Variants in STUM observed in about 807,000 individuals in gnomAD.
STUM encodes the protein stum, mechanosensory transduction mediator homolog.
Under a neutral mutation model 15.3 loss-of-function variants are expected in STUM, and 8 were observed. That is an observed-to-expected ratio of 0.52 (90% CI 0.31 to 0.94). The LOEUF is 0.94. Ranked by LOEUF, STUM falls within the 40% of genes least tolerant of loss-of-function variation. STUM has a pLI of 0.05. For missense variants in STUM, 142 were observed against 204.9 expected (o/e 0.69, Z 1.87); for synonymous variants, 78 against 88.7 (o/e 0.88, Z 0.68).
chr1:226,593,094 G>A (rs1029074370), intron 1 of STUM, among the ~76,000 whole-genome samples: 2 of 150,222 alleles, frequency 1.3e-5, no homozygotes, highest in Admixed American at 6.7e-5. Flanking sequence ...GCTGAAGCAG[G>A]AGAATCACTT....
chr1:226,581,546 C>T (rs574457479), intron 1 of STUM, among the ~76,000 whole-genome samples: 8 of 152,254 alleles, frequency 5.3e-5, no homozygotes, highest in African/African-American at 1.7e-4. Flanking sequence ...ATGAGCTTAG[C>T]TCTCTCTTCC....
chr1:226,575,475 G>A (rs1244625259), intron 1 of STUM, among the ~76,000 whole-genome samples: 2 of 152,244 alleles, frequency 1.3e-5, no homozygotes, highest in African/African-American at 4.8e-5. Context: ...CAGGAGGCAG[G>A]TGATGGTGGC....
At chr1:226,571,336 G>A (rs779260255) in intron 1 of STUM, among the ~76,000 whole-genome samples, 2 of 152,276 alleles carry the variant, frequency 1.3e-5, no homozygotes, top group Non-Finnish European at 1.5e-5. Context: ...ATCCAGTGGA[G>A]GGTCTAGGAA....
intron 1 of STUM, among the ~76,000 whole-genome samples, chr1:226,587,562 A>G (rs1040618196): frequency 6.6e-6 from 1 of 151,974 alleles, no homozygotes; most frequent in Non-Finnish European, 1.5e-5. Flanking sequence ...CACAATCCCA[A>G]CGCATTTGCC....
chr1:226,583,500 G>C (rs1162213593), intron 1 of STUM, among the ~76,000 whole-genome samples: 1 of 152,128 alleles, frequency 6.6e-6, no homozygotes, highest in African/African-American at 2.4e-5. Flanking sequence ...CTTTTTGCTA[G>C]ACAAGCAAGC....
chr1:226,555,887 C>A (rs1046834350), intron 1 of STUM, among the ~76,000 whole-genome samples: 19 of 152,104 alleles, frequency 1.2e-4, no homozygotes, highest in Admixed American at 1.2e-3. Context: ...TAGTACATAC[C>A]TATATCATAA....
Position 226,549,013 on chromosome 1 carries a change from GAGA to G in STUM, c.115_117del (p.Lys39del). 1 of 1,577,712 alleles carries G rather than the reference GAGA, an allele frequency of 6.3e-7. No homozygotes were observed. The highest frequency in any genetic ancestry group is 8.6e-7 in the Non-Finnish European group (1 of 1,165,456). ...CAGCGGGGTGGTGGTGCAGGTCCGC[GAGA>G]AGAAGGGCCCCCTGCGCGCCGCCAT... is the stretch of plus-strand genomic sequence containing the variant. On this transcript the variant is annotated inframe_deletion, in exon 1 of 4. Transcript: ENST00000366788. This position sits in a 1 kb window ranked among gnomAD's most constrained non-coding sequence, Gnocchi z 6.8.
intron 1 of STUM, among the ~76,000 whole-genome samples, chr1:226,554,046 CT>C: frequency 6.6e-6 from 1 of 152,354 alleles, no homozygotes; most frequent in Middle Eastern, 3.4e-3. Flanking sequence ...ACTTCCTCCC[CT>C]GTCCACTGAT....
At chr1:226,589,225 C>T (rs190038486) in intron 1 of STUM, among the ~76,000 whole-genome samples, 3 of 152,328 alleles carry the variant, frequency 2.0e-5, no homozygotes, top group Admixed American at 6.5e-5. Flanking sequence ...CCGGTGAGAA[C>T]TCCAAGGACA....
At chr1:226,585,349 A>G (rs964655150) in intron 1 of STUM, among the ~76,000 whole-genome samples, 7 of 152,074 alleles carry the variant, frequency 4.6e-5, no homozygotes, top group South Asian at 2.1e-4. Flanking sequence ...TTCCTACTCG[A>G]TGTGGGGCCC....
chr1:226,572,275 C>T (rs938298745), intron 1 of STUM, among the ~76,000 whole-genome samples: 2 of 152,234 alleles, frequency 1.3e-5, no homozygotes, highest in African/African-American at 4.8e-5. Context: ...GAGCCATTGA[C>T]TCTGAGATTC....
At chr1:226,586,256 C>T (rs1248153789) in intron 1 of STUM, among the ~76,000 whole-genome samples, 1 of 152,164 alleles carries the variant, frequency 6.6e-6, no homozygotes, top group Non-Finnish European at 1.5e-5. Flanking sequence ...CTTCCCAGCA[C>T]TCCCAGGGGT....
At chr1:226,595,005 G>A (rs1392685688) in intron 1 of STUM, among the ~76,000 whole-genome samples, 3 of 152,194 alleles carry the variant, frequency 2.0e-5, no homozygotes, top group Admixed American at 6.5e-5. Context: ...CACAGAGGTG[G>A]AGAAGTCCCA....
At chr1:226,570,086 C>T (rs1667683512) in intron 1 of STUM, among the ~76,000 whole-genome samples, 1 of 152,184 alleles carries the variant, frequency 6.6e-6, no homozygotes, top group South Asian at 2.1e-4. Context: ...CCCTCCTTCA[C>T]AAGCCCCCTG....
chr1:226,586,273 C>T (rs922732228), intron 1 of STUM, among the ~76,000 whole-genome samples: 4 of 152,186 alleles, frequency 2.6e-5, no homozygotes, highest in East Asian at 1.9e-4. Flanking sequence ...GGGTCACCCA[C>T]GCCTGGCTAT....
At position 226,603,324 on chromosome 1, in the gene STUM, G is replaced by A. The variant is rs982366567; in HGVS notation, c.*1284G>A. 1 of 152,236 alleles carries A rather than the reference G, an allele frequency of 6.6e-6. No homozygotes were observed. The highest frequency in any genetic ancestry group is 2.4e-5 in the African/African-American group (1 of 41,446). The allele number at this position is 152,236 out of a possible 1,614,324, so 9.4% of individuals were successfully genotyped here. ...GGCTAGATCCCTAATGGGGGCTAGG[G>A]GTGGGGAGAATCTAGCAGAAGTTGT... On this transcript the variant is annotated 3_prime_UTR_variant, in exon 4 of 4. Transcript: ENST00000366788.
At chr1:226,593,707 G>T (rs564927015) in intron 1 of STUM, among the ~76,000 whole-genome samples, 1 of 152,282 alleles carries the variant, frequency 6.6e-6, no homozygotes, top group African/African-American at 2.4e-5. Context: ...TGCCTCTCTG[G>T]ATCTCCCACA....
intron 1 of STUM, among the ~76,000 whole-genome samples, chr1:226,590,092 C>G (rs909826715): frequency 6.6e-6 from 1 of 152,086 alleles, no homozygotes; most frequent in Non-Finnish European, 1.5e-5. Flanking sequence ...TCCCTTCCCC[C>G]CACCATCCCC....
At chr1:226,596,628 G>A in intron 1 of STUM, among the ~76,000 whole-genome samples, 174 bp from the exon 2 acceptor site, 1 of 152,230 alleles carries the variant, frequency 6.6e-6, no homozygotes, top group East Asian at 1.9e-4. Context: ...ATGGAGATGA[G>A]AGGTGGGCCA....
Sources: gnomAD v4.1 joint callset for allele counts (sites outside exome capture counted in the v4.1 genomes callset) on GRCh38, gnomAD v4.1.1 for gene constraint, Gnocchi (gnomAD v3.1) non-coding constraint, MANE v1.5 for transcripts, NCBI Gene and HGNC (gene_info 2026-07-23, HGNC 2026-07-21) for gene names.